XDH: variants seen among roughly 807,000 people sequenced by gnomAD.
XDH encodes the protein xanthine dehydrogenase/oxidase.
In XDH, 138 loss-of-function variants were observed where a neutral mutation model predicts 156.1. That is an observed-to-expected ratio of 0.88 (90% CI 0.77 to 1.02). The LOEUF (loss-of-function observed/expected upper bound fraction) is 1.02, where lower values mean the gene tolerates loss of function less well. XDH is among the 50% of genes least tolerant of loss of function. The pLI is 0.00. For missense variants in XDH, 1,849 were observed against 1,684.9 expected (o/e 1.10, Z -1.71); for synonymous variants, 669 against 625.7 (o/e 1.07, Z -1.03).
intron 6 of XDH, chr2:31,389,451 C>T (rs1393135008): frequency 1.3e-5 from 2 of 152,722 alleles, no homozygotes; most frequent in Admixed American, 1.3e-4. Context: ...AGCCAGCCAC[C>T]TTGCACTTCC....
At chr2:31,408,260 G>A (rs909641287) in intron 1 of XDH, among the ~76,000 whole-genome samples, 1 of 152,088 alleles carries the variant, frequency 6.6e-6, no homozygotes, top group African/African-American at 2.4e-5. Context: ...CCTGCATTTT[G>A]ACTTATCAGA....
At chr2:31,395,421 G>A (rs1045437047) in intron 6 of XDH, among the ~76,000 whole-genome samples, 2 of 152,100 alleles carry the variant, frequency 1.3e-5, no homozygotes, top group African/African-American at 2.4e-5. Flanking sequence ...TTTAGGCTGC[G>A]GTAAAATAAT....
At chr2:31,345,582 C>T (rs1685260672) in intron 30 of XDH, among the ~76,000 whole-genome samples, 1 of 152,162 alleles carries the variant, frequency 6.6e-6, no homozygotes, top group Non-Finnish European at 1.5e-5. Flanking sequence ...CCCCAGAAAA[C>T]CTATACTATT....
intron 24 of XDH, 45 bp from the exon 25 acceptor site, chr2:31,350,268 G>C: frequency 6.3e-7 from 1 of 1,597,622 alleles, no homozygotes; most frequent in Non-Finnish European, 8.6e-7. Context: ...TGTACTGATT[G>C]CATTGGTTCC....
intron 14 of XDH, 133 bp downstream of exon 14, chr2:31,376,920 G>T: frequency 8.6e-7 from 1 of 1,156,170 alleles, no homozygotes; most frequent in Non-Finnish European, 1.3e-6. Context: ...AGTAGTAGCA[G>T]CAGTAGCAGT....
At chr2:31,397,573 G>T in intron 6 of XDH, 95 bp downstream of exon 6, 1 of 1,446,606 alleles carries the variant, frequency 6.9e-7, no homozygotes, top group Non-Finnish European at 9.7e-7. Context: ...ATCATTGTTT[G>T]TAGACCAGAG....
At chr2:31,397,258 G>A (rs772883403) in intron 6 of XDH, among the ~76,000 whole-genome samples, 4 of 152,206 alleles carry the variant, frequency 2.6e-5, no homozygotes, top group Admixed American at 1.3e-4. Context: ...AAAGCAGCCA[G>A]GAGAGGGAAG....
chr2:31,378,684 G>T (rs1686347902), intron 13 of XDH, among the ~76,000 whole-genome samples: 1 of 152,138 alleles, frequency 6.6e-6, no homozygotes, highest in African/African-American at 2.4e-5. Flanking sequence ...CTGGGGTACA[G>T]TGAACTGTCA....
At chr2:31,344,510 G>C (rs370784979) in intron 31 of XDH, among the ~76,000 whole-genome samples, 174 bp downstream of exon 31, 4 of 152,318 alleles carry the variant, frequency 2.6e-5, no homozygotes, top group African/African-American at 9.6e-5. Flanking sequence ...ACACAGTGTG[G>C]CCATTCCACA....
In XDH at chr2:31,398,667, G is replaced by T. The variant is rs118042822; in HGVS notation, c.339C>A (p.Cys113Ter). 1.2e-6 allele frequency: 2 copies of T among 1,614,104 alleles called. No individual in the cohort carries two copies. Among genetic ancestry groups the T allele is most frequent in the Non-Finnish European group, 1.7e-6 (2 of 1,179,986 alleles). Residue 113 changes from cysteine (C) to a stop codon, truncating the protein, a stop_gained, in exon 5 of 36, where the codon TGC becomes TGA. Coordinates refer to ENST00000379416, the MANE Select transcript of XDH (RefSeq NM_000379.4). LOFTEE classifies it high-confidence loss of function. ...TGACGATGCCAGGGGTGCAGAACCC[G>T]CACTGGGAGCCGTGGCTTTTGGCAA... ...ERIAKSHGSQ[C>*]GFCTPGIVMS...
intron 13 of XDH, among the ~76,000 whole-genome samples, chr2:31,378,032 A>G (rs557786961): frequency 4.8e-5 from 7 of 146,994 alleles, no homozygotes; most frequent in African/African-American, 1.8e-4. Flanking sequence ...TCTCAAAAAA[A>G]AAGAGAAGAA....
chr2:31,379,571 C>T (rs910894061), intron 13 of XDH, among the ~76,000 whole-genome samples: 2 of 152,132 alleles, frequency 1.3e-5, no homozygotes, highest in African/African-American at 4.8e-5. Flanking sequence ...TGACATGGTG[C>T]CCATTTTACA....
At chr2:31,374,074 C>A in intron 15 of XDH, 118 bp from the exon 16 acceptor site, 1 of 1,044,822 alleles carries the variant, frequency 9.6e-7, no homozygotes, top group Non-Finnish European at 1.4e-6. Context: ...TCACTTCATA[C>A]GCCTTTGAGT....
chr2:31,397,646 A>T, intron 6 of XDH, 22 bp downstream of exon 6: 2 of 1,614,054 alleles, frequency 1.2e-6, no homozygotes, highest in East Asian at 2.2e-5. Context: ...AGAGACACTG[A>T]TGTTCTGGGG....
intron 6 of XDH, among the ~76,000 whole-genome samples, chr2:31,390,049 G>A (rs529520381): frequency 6.6e-6 from 1 of 152,018 alleles, no homozygotes; most frequent in African/African-American, 2.4e-5. Flanking sequence ...TTACATGAAG[G>A]TTCACTCTTG....
intron 32 of XDH, among the ~76,000 whole-genome samples, chr2:31,341,678 T>C (rs1250322187): frequency 9.2e-5 from 14 of 152,156 alleles, no homozygotes; most frequent in Admixed American, 8.5e-4. Context: ...AGTAGTCAGA[T>C]AGGGTCCCAG....
intron 24 of XDH, among the ~76,000 whole-genome samples, chr2:31,355,803 G>C (rs1594159): frequency 0.047 from 7,195 of 152,162 alleles, 262 homozygotes; most frequent in African/African-American, 0.098. Context: ...TGTATAAATT[G>C]TATAAATACA....
intron 24 of XDH, among the ~76,000 whole-genome samples, chr2:31,356,148 A>T (rs1393904321): frequency 1.3e-5 from 2 of 152,326 alleles, no homozygotes; most frequent in Admixed American, 6.5e-5. Context: ...AACTAAAAGG[A>T]GAAATAGAAA....
At chr2:31,413,846 G>T (rs1490507881) in intron 1 of XDH, among the ~76,000 whole-genome samples, 1 of 152,126 alleles carries the variant, frequency 6.6e-6, no homozygotes, top group Non-Finnish European at 1.5e-5. Flanking sequence ...GGCAAATGGA[G>T]GCTAGTGACC....
Sources: gnomAD v4.1 joint callset for allele counts (sites outside exome capture counted in the v4.1 genomes callset) on GRCh38, gnomAD v4.1.1 for gene constraint, MANE v1.5 for transcripts, NCBI Gene and HGNC (gene_info 2026-07-23, HGNC 2026-07-21) for gene names.